CEP112: variants seen among roughly 807,000 people sequenced by gnomAD.
CEP112 encodes the protein centrosomal protein 112, also known as centrosomal protein of 112 kDa.
In CEP112, 127 loss-of-function variants were observed where a neutral mutation model predicts 153.0. That is an observed-to-expected ratio of 0.83 (90% CI 0.72 to 0.96). The LOEUF (loss-of-function observed/expected upper bound fraction) is 0.96, where lower values mean the gene tolerates loss of function less well. Ranked by LOEUF, CEP112 falls within the 40% of genes least tolerant of loss-of-function variation. The pLI is 0.00. For synonymous variants in CEP112, 358 were observed against 374.4 expected, an observed-to-expected ratio of 0.96 and a Z score of 0.51; for missense variants, 1,089 against 1,101.2, an observed-to-expected ratio of 0.99 and a Z score of 0.16.
At chr17:65,742,018 C>T (rs1322596449) in intron 23 of CEP112, among the ~76,000 whole-genome samples, 3 of 150,454 alleles carry the variant, frequency 2.0e-5, no homozygotes, top group Admixed American at 2.0e-4. Context: ...AAAAAAAGTC[C>T]TCAATGGTAA....
intron 4 of CEP112, among the ~76,000 whole-genome samples, chr17:66,171,189 T>C (rs1370071311): frequency 6.6e-6 from 1 of 152,090 alleles, no homozygotes; most frequent in African/African-American, 2.4e-5. Flanking sequence ...GCATCTTTAA[T>C]AATATAAAAA....
At chr17:66,076,225 G>A (rs1439489710) in intron 8 of CEP112, among the ~76,000 whole-genome samples, 1 of 141,754 alleles carries the variant, frequency 7.1e-6, no homozygotes, top group East Asian at 2.1e-4. Context: ...AGAGAAAGGT[G>A]CAAACCCAGT....
At chr17:66,139,095 G>A (rs1157237193) in intron 4 of CEP112, among the ~76,000 whole-genome samples, 2 of 152,014 alleles carry the variant, frequency 1.3e-5, no homozygotes, top group Non-Finnish European at 1.5e-5. Flanking sequence ...TAAACTCAAA[G>A]CCAGCAGAAG....
intron 6 of CEP112, among the ~76,000 whole-genome samples, chr17:66,127,869 G>A (rs1017357817): frequency 2.6e-5 from 4 of 152,160 alleles, no homozygotes; most frequent in East Asian, 1.9e-4. Context: ...CAACATTTCC[G>A]TTTCTCAGAA....
intron 23 of CEP112, among the ~76,000 whole-genome samples, chr17:65,706,216 C>T (rs2048905307): frequency 6.6e-6 from 1 of 152,132 alleles, no homozygotes; most frequent in Non-Finnish European, 1.5e-5. Flanking sequence ...AGGAAGGACG[C>T]AGTATTTGGG....
intron 17 of CEP112, among the ~76,000 whole-genome samples, chr17:65,985,258 T>C (rs868241234): frequency 6.6e-6 from 1 of 152,208 alleles, no homozygotes; most frequent in Middle Eastern, 3.4e-3. Flanking sequence ...GACTTCAAAA[T>C]GGAGGAAGAT....
intron 8 of CEP112, among the ~76,000 whole-genome samples, chr17:66,077,991 T>C (rs554097704): frequency 6.6e-6 from 1 of 152,354 alleles, no homozygotes; most frequent in Non-Finnish European, 1.5e-5. Flanking sequence ...TTCTAGAATT[T>C]TTATAGTTTC....
chr17:66,121,604 G>C (rs1460300837), intron 6 of CEP112, among the ~76,000 whole-genome samples: 1 of 151,860 alleles, frequency 6.6e-6, no homozygotes, highest in Non-Finnish European at 1.5e-5. Flanking sequence ...CAAGTTCACT[G>C]AATCTTCTGC....
intron 6 of CEP112, among the ~76,000 whole-genome samples, chr17:66,108,598 A>C: frequency 6.6e-6 from 1 of 152,230 alleles, no homozygotes; most frequent in East Asian, 1.9e-4. Flanking sequence ...GCTTCTATCC[A>C]AAAGACAGGC....
intron 23 of CEP112, among the ~76,000 whole-genome samples, chr17:65,692,224 A>ATTTTTTTTTTTTTTTTTTTTTTTTTTTT (rs35586515): frequency 7.9e-6 from 1 of 126,862 alleles, no homozygotes. Flanking sequence ...CTGCACTGGA[A>ATTTTTTTTTTTTTTTTTTTTTTTTTTTT]TTTTTTTTTT....
intron 23 of CEP112, among the ~76,000 whole-genome samples, chr17:65,724,010 A>G (rs2050038310): frequency 6.6e-6 from 1 of 152,204 alleles, no homozygotes; most frequent in Admixed American, 6.5e-5. Context: ...ATCCTACAGC[A>G]AGTGACAGAG....
At chr17:65,954,732 G>A (rs1018405365) in intron 18 of CEP112, among the ~76,000 whole-genome samples, 1 of 152,016 alleles carries the variant, frequency 6.6e-6, no homozygotes, top group Non-Finnish European at 1.5e-5. Context: ...GAAAATCTCA[G>A]TAATAGAATT....
chr17:66,072,464 C>T (rs995166521), intron 8 of CEP112, among the ~76,000 whole-genome samples: 2 of 152,144 alleles, frequency 1.3e-5, no homozygotes, highest in African/African-American at 2.4e-5. Flanking sequence ...AGCCTTTCTT[C>T]GTGTTTAGTG....
intron 4 of CEP112, among the ~76,000 whole-genome samples, chr17:66,156,384 A>G (rs1487594699): frequency 1.3e-5 from 2 of 152,220 alleles, no homozygotes; most frequent in Non-Finnish European, 2.9e-5. Context: ...AAGGTCACCA[A>G]CATCAAAGAC....
intron 18 of CEP112, among the ~76,000 whole-genome samples, chr17:65,944,926 T>C (rs1279554636): frequency 6.6e-6 from 1 of 152,172 alleles, no homozygotes; most frequent in Non-Finnish European, 1.5e-5. Context: ...TGGACAAGTA[T>C]TAACATTCTA....
intron 21 of CEP112, among the ~76,000 whole-genome samples, chr17:65,842,914 AT>A: frequency 6.6e-6 from 1 of 151,896 alleles, no homozygotes; most frequent in Non-Finnish European, 1.5e-5. Context: ...TGGCTTTTTA[AT>A]TTTTTATTTC....
chr17:66,188,234 T>C (rs886852321), intron 1 of CEP112, among the ~76,000 whole-genome samples: 3 of 151,144 alleles, frequency 2.0e-5, no homozygotes, highest in Non-Finnish European at 2.9e-5. Context: ...AACCCAAAGT[T>C]AGGCATACAA....
intron 21 of CEP112, among the ~76,000 whole-genome samples, chr17:65,829,813 A>G (rs912515691): frequency 6.6e-6 from 1 of 152,226 alleles, no homozygotes; most frequent in Non-Finnish European, 1.5e-5. Context: ...CTTAGCATGA[A>G]AGCTGGGACA....
chr17:66,130,922 T>C (rs1226728168), intron 5 of CEP112, among the ~76,000 whole-genome samples: 1 of 152,090 alleles, frequency 6.6e-6, no homozygotes, highest in Non-Finnish European at 1.5e-5. Flanking sequence ...AGAGACAACC[T>C]AAGATCTGTA....
Sources: allele counts gnomAD v4.1 joint callset (sites outside exome capture counted in the v4.1 genomes callset), GRCh38; gene constraint gnomAD v4.1.1; transcripts MANE v1.5; gene names NCBI Gene and HGNC (gene_info 2026-07-23, HGNC 2026-07-21).